CLTCL1: variants seen among roughly 807,000 people sequenced by gnomAD.
The protein encoded by CLTCL1 is clathrin heavy chain like 1.
A neutral mutation model predicts 190.0 loss-of-function variants in CLTCL1; 159 were observed. The ratio of observed to expected loss-of-function variants is 0.84; its 90% CI spans 0.74 to 0.95. The LOEUF is 0.95. Among genes scored for constraint, CLTCL1 ranks in the 40% least tolerant of loss-of-function variants. The pLI is 0.00. For synonymous variants in CLTCL1, 752 were observed against 769.6 expected (o/e 0.98, Z 0.38); for missense variants, 1,878 against 2,033.4 (o/e 0.92, Z 1.47).
intron 5 of CLTCL1, 37 bp from the exon 6 acceptor site, chr22:19,235,906 G>A: frequency 6.4e-7 from 1 of 1,569,912 alleles, no homozygotes; most frequent in Non-Finnish European, 8.7e-7. Context: ...TGGAAAGTAA[G>A]GAGGAGAAGC....
intron 31 of CLTCL1, 75 bp from the exon 32 acceptor site, chr22:19,180,313 A>C: frequency 6.8e-7 from 1 of 1,466,950 alleles, no homozygotes; most frequent in South Asian, 1.1e-5. Context: ...GGCGTGCTGC[A>C]CACTCACACC....
intron 4 of CLTCL1, among the ~76,000 whole-genome samples, chr22:19,241,478 G>A (rs1341145331): frequency 6.6e-6 from 1 of 152,232 alleles, no homozygotes; most frequent in Non-Finnish European, 1.5e-5. Flanking sequence ...AATGAGGAGG[G>A]CATGAAGTAT....
At chr22:19,257,157 C>G (rs1351974404) in intron 2 of CLTCL1, among the ~76,000 whole-genome samples, 1 of 152,104 alleles carries the variant, frequency 6.6e-6, no homozygotes, top group Non-Finnish European at 1.5e-5. Context: ...TAAAGATGAA[C>G]AAGGTTGGAT....
chr22:19,231,044 G>GC (rs2085904343), intron 10 of CLTCL1, among the ~76,000 whole-genome samples: 1 of 151,904 alleles, frequency 6.6e-6, no homozygotes, highest in South Asian at 2.1e-4. Flanking sequence ...TACACCAAAG[G>GC]CCCCCCAGGG....
chr22:19,224,968 G>T (rs1037636455), intron 13 of CLTCL1, among the ~76,000 whole-genome samples: 3 of 152,134 alleles, frequency 2.0e-5, no homozygotes, highest in Non-Finnish European at 4.4e-5. Flanking sequence ...TTGGTGTGAT[G>T]TCCAAGAAGG....
intron 2 of CLTCL1, among the ~76,000 whole-genome samples, chr22:19,267,757 T>G (rs2087166095): frequency 6.6e-6 from 1 of 152,024 alleles, no homozygotes. Flanking sequence ...TAGCCAGGCA[T>G]GGTGGCAGGC....
intron 28 of CLTCL1, 75 bp downstream of exon 28, chr22:19,187,906 G>A: frequency 6.7e-7 from 1 of 1,482,226 alleles, no homozygotes; most frequent in Non-Finnish European, 9.4e-7. Context: ...AAGGCAGCCT[G>A]CTTTGAGAAC....
At chr22:19,219,258 C>T (rs188260388) in intron 18 of CLTCL1, among the ~76,000 whole-genome samples, 379 of 149,458 alleles carry the variant, frequency 2.5e-3, no homozygotes, top group African/African-American at 8.7e-3. Context: ...CGTGCAGTCT[C>T]GGCTTTCTGC....
intron 7 of CLTCL1, among the ~76,000 whole-genome samples, chr22:19,234,073 A>G (rs990683512): frequency 1.2e-4 from 18 of 152,238 alleles, no homozygotes; most frequent in Admixed American, 1.2e-3. Flanking sequence ...ATTTATCCAA[A>G]TGAAATAAAC....
Position 19,276,078 on chromosome 22 carries a change from T to C in CLTCL1, c.43-248A>G, listed in dbSNP as rs1601719130. Among the ~76,000 whole-genome samples, 7 of 152,092 alleles carry C rather than the reference T, an allele frequency of 4.6e-5. No individual in the cohort carries two copies. In the South Asian group the frequency reaches 1.5e-3, roughly 32 times the overall value. ...ATGTGCAGGATGACACTAGGCAGTG[T>C]CAAGGACGCCACAAGTGATACAGAC... On this transcript the variant is annotated intron_variant, in intron 1 of 32. Transcript: ENST00000427926.
At chr22:19,277,237 A>C (rs567298438) in intron 1 of CLTCL1, among the ~76,000 whole-genome samples, 1 of 152,356 alleles carries the variant, frequency 6.6e-6, no homozygotes, top group Admixed American at 6.5e-5. Context: ...TGAGTGGAGC[A>C]GGCTACAGGA....
chr22:19,291,537 C>T, intron 1 of CLTCL1, 63 bp downstream of exon 1: 1 of 1,293,952 alleles, frequency 7.7e-7, no homozygotes, highest in Non-Finnish European at 9.9e-7. Flanking sequence ...GGGGTCAAGC[C>T]TGGCAGTCCG....
At chr22:19,251,885 T>A (rs1420648521) in intron 3 of CLTCL1, among the ~76,000 whole-genome samples, 1 of 152,198 alleles carries the variant, frequency 6.6e-6, no homozygotes, top group Non-Finnish European at 1.5e-5. Context: ...AAGCTTTCAG[T>A]TTTTCAACAT....
intron 13 of CLTCL1, among the ~76,000 whole-genome samples, chr22:19,224,775 G>A (rs1397560502): frequency 6.6e-6 from 1 of 152,152 alleles, no homozygotes; most frequent in Non-Finnish European, 1.5e-5. Flanking sequence ...GTCTTCTAAA[G>A]AGAAGGCCAG....
intron 4 of CLTCL1, among the ~76,000 whole-genome samples, chr22:19,240,442 A>T (rs1365782068): frequency 6.6e-6 from 1 of 151,858 alleles, no homozygotes; most frequent in African/African-American, 2.4e-5. Flanking sequence ...CAGAGAGAGG[A>T]GGGAAACACC....
chr22:19,235,996 G>T, intron 5 of CLTCL1, 127 bp from the exon 6 acceptor site: 1 of 838,622 alleles, frequency 1.2e-6, no homozygotes, highest in Non-Finnish European at 1.8e-6. Flanking sequence ...GTCGTGCTCT[G>T]TCACCCAGGC....
At position 19,233,166 on chromosome 22, in the gene CLTCL1, CT is replaced by C; in HGVS notation, c.1520del (p.Lys507ArgfsTer12). 6.2e-7 allele frequency: 1 copy of C among 1,611,602 alleles called. No homozygotes were observed. Among genetic ancestry groups the C allele is most frequent in the Non-Finnish European group, 8.5e-7 (1 of 1,177,972 alleles). On this transcript the variant is annotated frameshift_variant and splice_region_variant, in exon 9 of 33. Transcript: ENST00000427926. LOFTEE classifies it high-confidence loss of function. ...ATGCCAGTGGTTCAACACACGTTAC[CT>C]TTTTGGCATAGAGCACAATTTTCTG... ...QFQKIVLYAK[K>X]VGYTPDWIFL...
Position 19,222,812 on chromosome 22 carries a change from G to A in CLTCL1, c.2293-3C>T, listed in dbSNP as rs368331641. The A allele has an allele frequency of 8.7e-5, 139 of 1,593,210 alleles. No individual in the cohort carries two copies. Among genetic ancestry groups the A allele is most frequent in the Non-Finnish European group, 1.2e-4 (139 of 1,170,008 alleles). On this transcript the variant is annotated splice_polypyrimidine_tract_variant and splice_region_variant and intron_variant, in intron 14 of 32. Coordinates refer to ENST00000427926, the MANE Select transcript of CLTCL1 (RefSeq NM_007098.4). ...AGCTGGTCTGTGAGCTTGGCCTCCT[G>A]AGGATTAGAATGCACAGAACAAGTC...
intron 2 of CLTCL1, among the ~76,000 whole-genome samples, chr22:19,255,323 G>A (rs1555971933): frequency 2.0e-5 from 3 of 152,194 alleles, no homozygotes; most frequent in Non-Finnish European, 4.4e-5. Context: ...AGCACTTTGG[G>A]AGGCTGAGGC....
Sources: gnomAD v4.1 joint callset for allele counts (sites outside exome capture counted in the v4.1 genomes callset) on GRCh38, gnomAD v4.1.1 for gene constraint, MANE v1.5 for transcripts, NCBI Gene and HGNC (gene_info 2026-07-23, HGNC 2026-07-21) for gene names.